PALD1: variants seen among roughly 807,000 people sequenced by gnomAD.
PALD1 encodes paladin.
A neutral mutation model predicts 96.0 loss-of-function variants in PALD1; 57 were observed. The ratio of observed to expected loss-of-function variants is 0.59; its 90% confidence interval spans 0.48 to 0.74. The LOEUF is 0.74. Ranked by LOEUF, PALD1 falls within the 30% of genes least tolerant of loss-of-function variation. The pLI is 0.00. For missense variants in PALD1, 1,063 were observed against 1,143.7 expected (o/e 0.93, Z 1.02); for synonymous variants, 464 against 473.6 (o/e 0.98, Z 0.26).
At chr10:70,535,989 G>A (rs1304753525) in intron 10 of PALD1, among the ~76,000 whole-genome samples, 3 of 152,172 alleles carry the variant, frequency 2.0e-5, no homozygotes, top group Admixed American at 6.5e-5. Context: ...TTTTTAAAAG[G>A]CTGGGCACGG....
chr10:70,473,774 T>C (rs545089850), upstream of PALD1, among the ~76,000 whole-genome samples: 1 of 152,182 alleles, frequency 6.6e-6, no homozygotes, highest in Non-Finnish European at 1.5e-5. Context: ...GCCTCCCAAG[T>C]AGCTGGGATT....
At chr10:70,513,224 G>T (rs1253019524) in intron 1 of PALD1, among the ~76,000 whole-genome samples, 3 of 152,184 alleles carry the variant, frequency 2.0e-5, no homozygotes, top group Non-Finnish European at 4.4e-5. Context: ...GCCGGGTGCG[G>T]TGGCTTATGC....
At chr10:70,490,556 G>C (rs541061391) in intron 1 of PALD1, among the ~76,000 whole-genome samples, 1 of 152,206 alleles carries the variant, frequency 6.6e-6, no homozygotes, top group East Asian at 1.9e-4. Flanking sequence ...AAGCACCTTA[G>C]ACTTAAAGTT....
Position 70,541,239 on chromosome 10 carries a change from C to A in PALD1, c.2046C>A (p.Ile682=). ...TGGCTGTCCTGGCCTTCTGGCACAT[C>A]CAAGTACGTGTGGCCTCTCAAGTGA... ...MVVAVLAFWH[I]QGFPEVGEEE... Residue 682 remains isoleucine (I), a synonymous_variant, in exon 16 of 20, where the codon ATC becomes ATA. Coordinates refer to ENST00000263563, the MANE Select transcript of PALD1 (RefSeq NM_014431.3). 1 of 1,604,510 alleles carries A rather than the reference C, an allele frequency of 6.2e-7. No individual in the cohort carries two copies. Among genetic ancestry groups the A allele is most frequent in the Non-Finnish European group, 8.5e-7 (1 of 1,175,610 alleles).
chr10:70,531,214 C>A, intron 4 of PALD1, 76 bp from the exon 5 acceptor site: 1 of 1,277,064 alleles, frequency 7.8e-7, no homozygotes, highest in Non-Finnish European at 1.1e-6. Context: ...GGGCAGAGGC[C>A]CTGAGGTGGG....
intron 1 of PALD1, among the ~76,000 whole-genome samples, chr10:70,512,752 C>A (rs998724604): frequency 6.6e-6 from 1 of 152,244 alleles, no homozygotes; most frequent in Non-Finnish European, 1.5e-5. Flanking sequence ...GCACTGTCTC[C>A]TTGTAGCCCA....
rs1167555072 is a variant in PALD1, at chr10:70,547,313, T to C, written c.2129T>C (p.Met710Thr). The C allele has an allele frequency of 1.9e-6, 3 of 1,613,636 alleles. No individual in the cohort carries two copies. The highest frequency in any genetic ancestry group is 2.5e-6 in the Non-Finnish European group (3 of 1,179,702). The change falls in exon 18 of 20, where the codon ATG (methionine) becomes ACG (threonine). Residue 710 changes from methionine to threonine, a missense_variant. Coordinates refer to ENST00000263563, the MANE Select transcript of PALD1 (RefSeq NM_014431.3). ...KFTKGEFQVVMKVVQLLPDGH... is the reference protein window; with the variant it reads ...KFTKGEFQVVTKVVQLLPDGH... ...CCCCTTCTCTGGCCCCAGGTAGTAATGAAGGTGGTGCAGCTGCTACCCGAT... is the reference window on the plus strand; with the variant it reads ...CCCCTTCTCTGGCCCCAGGTAGTAACGAAGGTGGTGCAGCTGCTACCCGAT...
the PALD1 span, among the ~76,000 whole-genome samples, chr10:70,471,231 T>TTATA: frequency 6.6e-6 from 1 of 152,258 alleles, no homozygotes; most frequent in Non-Finnish European, 1.5e-5. Flanking sequence ...AGTGCTTGGA[T>TTATA]TATAGGCATG....
intron 18 of PALD1, among the ~76,000 whole-genome samples, chr10:70,561,296 A>C (rs568939240): frequency 6.6e-6 from 1 of 152,334 alleles, no homozygotes; most frequent in East Asian, 1.9e-4. Flanking sequence ...ATTGCCTCTG[A>C]GCTCTTTAAT....
intron 1 of PALD1, among the ~76,000 whole-genome samples, chr10:70,484,205 A>G (rs1214063440): frequency 6.6e-6 from 1 of 152,080 alleles, no homozygotes; most frequent in East Asian, 1.9e-4. Context: ...GTTTCACCGC[A>G]TTGGCCAGGC....
the PALD1 span, among the ~76,000 whole-genome samples, chr10:70,460,600 A>G: frequency 6.6e-6 from 1 of 151,858 alleles, no homozygotes; most frequent in Admixed American, 6.6e-5. Context: ...CTCTTCTGTC[A>G]CCACCTGGTC....
chr10:70,493,084 C>T (rs1452158397), intron 1 of PALD1, among the ~76,000 whole-genome samples: 1 of 152,154 alleles, frequency 6.6e-6, no homozygotes, highest in African/African-American at 2.4e-5. Flanking sequence ...TGCCTGCCCC[C>T]CTACCTTGGC....
chr10:70,557,533 G>T (rs1399872504), intron 18 of PALD1, among the ~76,000 whole-genome samples: 1 of 152,232 alleles, frequency 6.6e-6, no homozygotes, highest in Non-Finnish European at 1.5e-5. Flanking sequence ...TTGGAAAATG[G>T]GTTACTGGTA....
intron 1 of PALD1, among the ~76,000 whole-genome samples, chr10:70,507,748 T>TGC (rs1189099766): frequency 1.0e-3 from 81 of 78,732 alleles, no homozygotes; most frequent in South Asian, 1.7e-3. Context: ...GTTTTGTGTG[T>TGC]GCGTGTGTGT....
chr10:70,467,973 C>T, the PALD1 span, among the ~76,000 whole-genome samples: 1 of 152,308 alleles, frequency 6.6e-6, no homozygotes, highest in African/African-American at 2.4e-5. Context: ...ACCCACCCCC[C>T]ATTGACGGGG....
intron 18 of PALD1, among the ~76,000 whole-genome samples, chr10:70,558,315 C>T (rs1468997585): frequency 6.6e-6 from 1 of 152,066 alleles, no homozygotes; most frequent in Non-Finnish European, 1.5e-5. Context: ...GGTCATTTCA[C>T]CTCTTTGACC....
rs532067732 is a variant in PALD1, at chr10:70,534,598, C to T, written c.1122+74C>T. Reference sequence around the variant, plus strand: ...GTCACTCCTCTCACTGGTCGGGGCTCTCTTCCTTCCCGATACCCTCCCCTA... The same window carrying T: ...GTCACTCCTCTCACTGGTCGGGGCTTTCTTCCTTCCCGATACCCTCCCCTA... On this transcript the variant is annotated intron_variant, in intron 9 of 19. Transcript: ENST00000263563. 4.9e-6 allele frequency: 6 copies of T among 1,226,262 alleles called. No homozygotes were observed. In the African/African-American group the frequency reaches 7.4e-5, roughly 15 times the overall value. The allele number at this position is 1,226,262 out of a possible 1,614,324, so 76.0% of individuals were successfully genotyped here. A position where few individuals can be genotyped will look rare whatever the true frequency, so the allele number is the denominator to read the frequency against.
chr10:70,545,732 C>T (rs1039176339), intron 17 of PALD1, among the ~76,000 whole-genome samples: 5 of 151,942 alleles, frequency 3.3e-5, no homozygotes, highest in African/African-American at 1.2e-4. Flanking sequence ...GCCACTGCAC[C>T]TGGCTGGGGT....
At chr10:70,520,048 G>C (rs34980011) in intron 1 of PALD1, among the ~76,000 whole-genome samples, 29,908 of 152,076 alleles carry the variant, frequency 0.2, 3,737 homozygotes, top group East Asian at 0.29. Context: ...ACAGCCATTT[G>C]TGGAGATTGC....
Sources: allele counts gnomAD v4.1 joint callset (sites outside exome capture counted in the v4.1 genomes callset), GRCh38; gene constraint gnomAD v4.1.1; transcripts MANE v1.5; gene names NCBI Gene and HGNC (gene_info 2026-07-23, HGNC 2026-07-21).